The following NAV2 variants were observed in gnomAD, a reference collection of about 807,000 sequenced individuals.
NAV2 encodes the protein neuron navigator 2.
NAV2 carries 54 observed loss-of-function variants against 223.2 expected under a neutral mutation model. The observed-to-expected ratio is 0.24, with a 90% CI of 0.19 to 0.30. NAV2 has a LOEUF of 0.30. Ranked by LOEUF, NAV2 falls within the 10% of genes least tolerant of loss-of-function variation. NAV2 has a pLI of 1.00. For missense variants in NAV2, 2,806 were observed against 3,147.5 expected (o/e 0.89, Z 2.60); for synonymous variants, 1,279 against 1,239.3 (o/e 1.03, Z -0.67).
rs528847029 is a variant in NAV2, at chr11:19,678,260, C to T, written c.76-154224C>T. On this transcript the variant is annotated intron_variant, in intron 1 of 37. Coordinates refer to the NAV2 transcript ENST00000360655. ...CCTTTTTTGTAGGATTGAACCTTCA[C>T]AACAGCCTAGCACAATGGGTACAAT... is the stretch of plus-strand genomic sequence containing the variant. Among the ~76,000 whole-genome samples the T allele has an allele frequency of 2.0e-5, 3 of 152,310 alleles. No individual in the cohort carries two copies. The South Asian group carries it at 6.2e-4, about 32-fold the overall frequency.
chr11:19,822,372 A>G (rs937908596), intron 1 of NAV2, among the ~76,000 whole-genome samples: 21 of 152,224 alleles, frequency 1.4e-4, no homozygotes, highest in African/African-American at 4.8e-4. Flanking sequence ...TTACTATCCT[A>G]CATAAGACTG....
At chr11:19,604,782 C>G (rs1364327904) in intron 1 of NAV2, among the ~76,000 whole-genome samples, 1 of 152,126 alleles carries the variant, frequency 6.6e-6, no homozygotes, top group Non-Finnish European at 1.5e-5. Flanking sequence ...GTGAGAGGAA[C>G]CTGGTCTGGG....
intron 1 of NAV2, among the ~76,000 whole-genome samples, chr11:19,559,876 G>GT (rs1056549739): frequency 6.6e-6 from 1 of 152,152 alleles, no homozygotes; most frequent in African/African-American, 2.4e-5. Context: ...CCCCTTCTCA[G>GT]TAAGCTGCCT....
rs1044594084 is a variant in NAV2 at position 19,899,673 on chromosome 11, A to C, written c.931+7079A>C. Reference sequence around the variant, plus strand: ...CGTGTTCTATAATAGAGAGAGGCTCAAAGTTGTGAGGAAAAAGATGAACAT... The same window carrying C: ...CGTGTTCTATAATAGAGAGAGGCTCCAAGTTGTGAGGAAAAAGATGAACAT... On this transcript the variant is annotated intron_variant, in intron 6 of 37. Transcript: ENST00000349880. Among the ~76,000 whole-genome samples the C allele has an allele frequency of 3.3e-5, 5 of 152,196 alleles. 1 individual carries two copies. The highest frequency in any genetic ancestry group is 3.3e-4 in the Admixed American group (5 of 15,286).
chr11:19,552,811 G>A (rs780366616), intron 1 of NAV2, among the ~76,000 whole-genome samples: 3 of 151,940 alleles, frequency 2.0e-5, no homozygotes, highest in Non-Finnish European at 1.5e-5. Flanking sequence ...GCTGTTTCCT[G>A]GGCAGCAGTT....
At chr11:19,846,688 C>A (rs1312375971) in intron 3 of NAV2, among the ~76,000 whole-genome samples, 1 of 152,234 alleles carries the variant, frequency 6.6e-6, no homozygotes, top group African/African-American at 2.4e-5. Flanking sequence ...ACACTCACAC[C>A]TTTTGGGTGA....
At position 19,993,995 on chromosome 11, in the gene NAV2, C is replaced by T. The variant is rs2051606606; in HGVS notation, c.2768+9748C>T. On this transcript the variant is annotated intron_variant, in intron 11 of 37. Coordinates refer to ENST00000349880, the MANE Select transcript of NAV2 (RefSeq NM_145117.5). The stretch of plus-strand genomic sequence containing the variant: ...GAAAGACCTAAGTAAGCCATTGTAA[C>T]GTGATGTGCCAAGTGCTATAGAGAC... Among the ~76,000 whole-genome samples the T allele has an allele frequency of 2.6e-5, 4 of 152,222 alleles. No individual in the cohort carries two copies. In the South Asian group the frequency reaches 8.3e-4, roughly 32 times the overall value.
chr11:19,676,902 T>C (rs2135850953), intron 1 of NAV2, among the ~76,000 whole-genome samples: 1 of 152,348 alleles, frequency 6.6e-6, no homozygotes, highest in East Asian at 1.9e-4. Context: ...TTCCTGACTC[T>C]CCTTAGATCG....
chr11:20,075,615 AG>A lies in NAV2; in HGVS notation c.4984-1936del, dbSNP rs2059690491. Among the ~76,000 whole-genome samples, 9 of 152,212 alleles carry A rather than the reference AG, an allele frequency of 5.9e-5. 1 individual carries two copies. The South Asian group carries it at 1.9e-3, about 32-fold the overall frequency. On this transcript the variant is annotated intron_variant, in intron 22 of 37. Transcript: ENST00000349880. ...TATTCCACTTAACATTTCTACTACA[AG>A]TAGAAATGCTCCCTGCCAGCGGTTG...
At chr11:20,011,397 GT>G in intron 11 of NAV2, among the ~76,000 whole-genome samples, 1 of 152,322 alleles carries the variant, frequency 6.6e-6, no homozygotes, top group South Asian at 2.1e-4. Context: ...CTTTCCAGGT[GT>G]TTTTTGTTCA....
chr11:19,407,462 GGAATACA>G (rs1445978086), intron 1 of NAV2, among the ~76,000 whole-genome samples: 1 of 152,222 alleles, frequency 6.6e-6, no homozygotes, highest in South Asian at 2.1e-4. Context: ...GCCCGAGGGT[GGAATACA>G]GGTGGGAGCA....
At chr11:19,718,076 A>C (rs2050452249) in intron 1 of NAV2, among the ~76,000 whole-genome samples, 1 of 120,798 alleles carries the variant, frequency 8.3e-6, no homozygotes. Flanking sequence ...CCAGTGCAGG[A>C]AACTGTGTTC....
At chr11:19,467,794 G>C (rs1852421563) in intron 1 of NAV2, among the ~76,000 whole-genome samples, 1 of 152,238 alleles carries the variant, frequency 6.6e-6, no homozygotes, top group African/African-American at 2.4e-5. Context: ...TCTGACAAGA[G>C]CTGCAGAAGA....
chr11:19,653,680 G>A (rs1469652865), intron 1 of NAV2, among the ~76,000 whole-genome samples: 1 of 152,208 alleles, frequency 6.6e-6, no homozygotes, highest in Non-Finnish European at 1.5e-5. Flanking sequence ...CTTACTATGT[G>A]CCAGGAGTCA....
chr11:19,581,435 A>G (rs1362772304), intron 1 of NAV2, among the ~76,000 whole-genome samples: 1 of 152,110 alleles, frequency 6.6e-6, no homozygotes, highest in African/African-American at 2.4e-5. Context: ...TTTGTTACAT[A>G]TGTATACATG....
chr11:20,050,020 C>G, intron 16 of NAV2, 119 bp downstream of exon 16: 1 of 843,808 alleles, frequency 1.2e-6, no homozygotes, highest in Admixed American at 1.9e-5. Flanking sequence ...GTTTGTGGCT[C>G]TAGTGTACTC....
At chr11:19,688,664 G>A (rs1590092365) in intron 1 of NAV2, among the ~76,000 whole-genome samples, 1 of 152,158 alleles carries the variant, frequency 6.6e-6, no homozygotes, top group South Asian at 2.1e-4. Context: ...GTCACTCAGG[G>A]GGATATATAT....
At chr11:19,802,579 G>A (rs1392263400) in intron 1 of NAV2, among the ~76,000 whole-genome samples, 1 of 152,062 alleles carries the variant, frequency 6.6e-6, no homozygotes, top group Non-Finnish European at 1.5e-5. Flanking sequence ...AGGCCTTATA[G>A]TGCCAGTATT....
intron 1 of NAV2, among the ~76,000 whole-genome samples, chr11:19,412,623 G>T (rs1211648180): frequency 6.6e-6 from 1 of 152,220 alleles, no homozygotes; most frequent in Non-Finnish European, 1.5e-5. Flanking sequence ...TGTGCCTCCT[G>T]ACTGGGAGAC....
Sources: gnomAD v4.1 joint callset for allele counts (sites outside exome capture counted in the v4.1 genomes callset) on GRCh38, gnomAD v4.1.1 for gene constraint, MANE v1.5 for transcripts, NCBI Gene and HGNC (gene_info 2026-07-23, HGNC 2026-07-21) for gene names.